NAV3: variants seen among roughly 807,000 people sequenced by gnomAD.
NAV3 encodes pore membrane and/or filament interacting like protein 1.
In NAV3, 87 loss-of-function variants were observed where a neutral mutation model predicts 244.7. The ratio of observed to expected loss-of-function variants is 0.36; its 90% CI spans 0.30 to 0.42. NAV3 has a LOEUF of 0.42. Among genes scored for constraint, NAV3 ranks in the 20% least tolerant of loss-of-function variants. The pLI, the probability that NAV3 is intolerant of heterozygous loss-of-function variation, is 1.00. For synonymous variants in NAV3, 1,126 were observed against 1,042.2 expected, an observed-to-expected ratio of 1.08 and a Z score of -1.55; for missense variants, 2,663 against 2,893.3, an observed-to-expected ratio of 0.92 and a Z score of 1.83.
chr12:78,160,402 T>TGTGTGTGTGTGC (rs776750180), intron 23 of NAV3, among the ~76,000 whole-genome samples: 38 of 90,520 alleles, frequency 4.2e-4, no homozygotes, highest in Admixed American at 6.6e-4. Flanking sequence ...TGTGTGTGCG[T>TGTGTGTGTGTGC]GCGTGTGTGT....
In NAV3 at chr12:77,831,343, A is replaced by G; in HGVS notation, c.-119A>G. 1 of 1,077,712 alleles carries G rather than the reference A, an allele frequency of 9.3e-7. No individual in the cohort carries two copies. Among genetic ancestry groups the G allele is most frequent in the Non-Finnish European group, 1.3e-6 (1 of 786,362 alleles). The allele number at this position is 1,077,712 out of a possible 1,614,324, so 66.8% of individuals were successfully genotyped here. A position where few individuals can be genotyped will look rare whatever the true frequency, so the allele number is the denominator to read the frequency against. Reference sequence around the variant, plus strand: ...AAATTATATTATTAGCTTTTTAAAAATCAGGATGACTGCTAGTTTTGTTTA... The same window carrying G: ...AAATTATATTATTAGCTTTTTAAAAGTCAGGATGACTGCTAGTTTTGTTTA... On this transcript the variant is annotated 5_prime_UTR_variant, in exon 1 of 40. Transcript: ENST00000397909.
At chr12:78,021,904 C>A (rs750551370) in intron 9 of NAV3, 42 bp downstream of exon 9, 2 of 1,276,710 alleles carry the variant, frequency 1.6e-6, no homozygotes, top group Non-Finnish European at 2.2e-6. Context: ...CTAGGAATTT[C>A]CGTATTCTCT....
intron 2 of NAV3, among the ~76,000 whole-genome samples, chr12:77,760,795 T>A (rs540771253): frequency 3.3e-5 from 5 of 152,314 alleles, no homozygotes; most frequent in Admixed American, 2.6e-4. Flanking sequence ...TTCAAAACTT[T>A]TATCAAGCTC....
intron 2 of NAV3, among the ~76,000 whole-genome samples, chr12:77,602,979 A>G (rs1381709105): frequency 1.3e-5 from 2 of 152,098 alleles, no homozygotes; most frequent in Non-Finnish European, 2.9e-5. Flanking sequence ...GTAATTCACC[A>G]CTTAGCATCT....
chr12:78,101,610 A>T (rs1424243667), intron 12 of NAV3, among the ~76,000 whole-genome samples: 1 of 152,050 alleles, frequency 6.6e-6, no homozygotes, highest in African/African-American at 2.4e-5. Context: ...GTAATAAAAC[A>T]TTTTCCCAGG....
intron 2 of NAV3, among the ~76,000 whole-genome samples, chr12:77,671,857 T>G (rs1873990569): frequency 6.6e-6 from 1 of 152,152 alleles, no homozygotes; most frequent in Admixed American, 6.6e-5. Flanking sequence ...GGCAAAGACT[T>G]AATGACCCAA....
At chr12:77,729,756 A>G (rs547489296) in intron 2 of NAV3, among the ~76,000 whole-genome samples, 2 of 152,070 alleles carry the variant, frequency 1.3e-5, no homozygotes, top group East Asian at 3.9e-4. Context: ...AAATCCTGAT[A>G]TAAGGCAGGA....
intron 12 of NAV3, among the ~76,000 whole-genome samples, chr12:78,095,925 C>T (rs1954226145): frequency 6.6e-6 from 1 of 152,130 alleles, no homozygotes; most frequent in South Asian, 2.1e-4. Context: ...TGTATAAAGG[C>T]ACTTGCTACA....
At chr12:77,841,921 A>C (rs955212764) in intron 1 of NAV3, among the ~76,000 whole-genome samples, 7 of 152,194 alleles carry the variant, frequency 4.6e-5, no homozygotes, top group African/African-American at 1.7e-4. Flanking sequence ...GAACTCAGTG[A>C]GATGATAATA....
At chr12:78,171,897 T>A (rs1290597629) in intron 24 of NAV3, among the ~76,000 whole-genome samples, 1 of 151,636 alleles carries the variant, frequency 6.6e-6, no homozygotes, top group East Asian at 1.9e-4. Flanking sequence ...TTTGTGAATG[T>A]GTTTCTATTT....
intron 1 of NAV3, among the ~76,000 whole-genome samples, chr12:77,911,865 T>A (rs1592977043): frequency 8.3e-6 from 1 of 120,274 alleles, no homozygotes; most frequent in Middle Eastern, 4.5e-3. Context: ...TGATCATATA[T>A]TTTTTTTAAC....
At chr12:78,079,274 T>A (rs1465291358) in intron 12 of NAV3, among the ~76,000 whole-genome samples, 1 of 152,170 alleles carries the variant, frequency 6.6e-6, no homozygotes, top group African/African-American at 2.4e-5. Flanking sequence ...TTTTTAGATA[T>A]AAAGACTCAG....
At chr12:78,014,139 G>A (rs1437881487) in intron 8 of NAV3, among the ~76,000 whole-genome samples, 1 of 152,058 alleles carries the variant, frequency 6.6e-6, no homozygotes, top group African/African-American at 2.4e-5. Flanking sequence ...AGAGAAAAGG[G>A]AGACCTGTGT....
At chr12:78,141,807 C>T (rs1374760496) in intron 20 of NAV3, among the ~76,000 whole-genome samples, 1 of 152,068 alleles carries the variant, frequency 6.6e-6, no homozygotes, top group Non-Finnish European at 1.5e-5. Context: ...CTTAGTGTTC[C>T]TCCTGTTGGG....
At chr12:77,935,479 A>G (rs1889234602) in intron 1 of NAV3, among the ~76,000 whole-genome samples, 1 of 152,214 alleles carries the variant, frequency 6.6e-6, no homozygotes, top group South Asian at 2.1e-4. Context: ...TTGGATGAAT[A>G]TATATGATTT....
intron 2 of NAV3, among the ~76,000 whole-genome samples, chr12:77,752,260 A>G (rs1451793540): frequency 6.6e-6 from 1 of 152,164 alleles, no homozygotes; most frequent in Non-Finnish European, 1.5e-5. Context: ...GGTGTAAAAC[A>G]TAAAACATAC....
At chr12:78,147,368 T>C (rs1956904214) in intron 21 of NAV3, among the ~76,000 whole-genome samples, 2 of 152,050 alleles carry the variant, frequency 1.3e-5, no homozygotes, top group Admixed American at 6.6e-5. Flanking sequence ...AACTCCCCTT[T>C]TATCATTGAT....
At chr12:78,143,109 T>C (rs1304736766) in intron 20 of NAV3, among the ~76,000 whole-genome samples, 1 of 152,166 alleles carries the variant, frequency 6.6e-6, no homozygotes, top group Non-Finnish European at 1.5e-5. Flanking sequence ...TAACTCTCAA[T>C]AGAGATTTAG....
intron 5 of NAV3, among the ~76,000 whole-genome samples, chr12:77,977,522 T>C (rs575945723): frequency 6.6e-6 from 1 of 152,288 alleles, no homozygotes; most frequent in South Asian, 2.1e-4. Context: ...TTCTCCTCCA[T>C]CCACTAACAA....
Sources: allele counts gnomAD v4.1 joint callset (sites outside exome capture counted in the v4.1 genomes callset), GRCh38; gene constraint gnomAD v4.1.1; transcripts MANE v1.5; gene names NCBI Gene and HGNC (gene_info 2026-07-23, HGNC 2026-07-21).